UGGT2: variants seen among roughly 807,000 people sequenced by gnomAD.
The protein encoded by UGGT2 is UDP-glucose:glycoprotein glucosyltransferase 2.
A neutral mutation model predicts 192.1 loss-of-function variants in UGGT2; 180 were observed. The observed-to-expected ratio is 0.94, with a 90% CI of 0.83 to 1.06. The LOEUF (loss-of-function observed/expected upper bound fraction) is 1.06. Ranked by LOEUF, UGGT2 falls within the 50% of genes least tolerant of loss-of-function variation. The probability of loss-of-function intolerance (pLI) is 0.00; values close to 1 mark genes in which losing one functional copy is unlikely to be tolerated. For synonymous variants in UGGT2, 580 were observed against 591.0 expected, an observed-to-expected ratio of 0.98 and a Z score of 0.27; for missense variants, 1,849 against 1,795.7, an observed-to-expected ratio of 1.03 and a Z score of -0.54.
intron 20 of UGGT2, among the ~76,000 whole-genome samples, chr13:95,914,781 C>T (rs770909647): frequency 1.2e-4 from 18 of 151,152 alleles, no homozygotes; most frequent in South Asian, 8.4e-4. Context: ...CCAGCCTGGG[C>T]GACTGAGTGA....
At chr13:95,981,092 C>T (rs979964960) in intron 10 of UGGT2, among the ~76,000 whole-genome samples, 4 of 152,098 alleles carry the variant, frequency 2.6e-5, no homozygotes, top group African/African-American at 7.2e-5. Context: ...CTCCTCTACT[C>T]GAAGGTCATA....
rs1490409978 is a variant in UGGT2, at chr13:95,900,837, A to G, written c.2604T>C (p.Pro868=). Residue 868 remains proline, a synonymous_variant, in exon 22 of 39, where the codon CCT becomes CCC. Transcript: ENST00000376747. ...CATTGCTGACAATACCCATTTCTCC[A>G]GGACGTAATTTAAGTACATCTTGAC... ...LFCQDVLKLR[P]GEMGIVSNGR... is the part of the protein sequence containing the mutation. 2 of 1,611,532 alleles carry G rather than the reference A, an allele frequency of 1.2e-6. No individual in the cohort carries two copies. Among genetic ancestry groups the G allele is most frequent in the Admixed American group, 3.4e-5 (2 of 59,456 alleles).
intron 1 of UGGT2, among the ~76,000 whole-genome samples, chr13:96,042,904 GAAAGA>G (rs1465287451): frequency 6.6e-6 from 1 of 152,048 alleles, no homozygotes; most frequent in African/African-American, 2.4e-5. Flanking sequence ...GTATTCCTGA[GAAAGA>G]AGAGAAATCT....
Position 95,927,292 on chromosome 13 carries a change from A to C in UGGT2, c.2022T>G (p.Asp674Glu), listed in dbSNP as rs748027111. ...TTATACGGGGTACAACATTATTCCTATCCATTAGAAAATCAATTGCATTCG... is the reference window on the plus strand; with the variant it reads ...TTATACGGGGTACAACATTATTCCTCTCCATTAGAAAATCAATTGCATTCG... Reference protein sequence around the residue: ...DRTNAIDFLMDRNNVVPRINT... With the variant: ...DRTNAIDFLMERNNVVPRINT... The change falls in exon 18 of 39, where the codon GAT (aspartate) becomes GAG (glutamate). Residue 674 changes from aspartate to glutamate, a missense_variant. By Grantham distance (45) the Asp-to-Glu change is conservative (BLOSUM62 2). Coordinates refer to ENST00000376747, the MANE Select transcript of UGGT2 (RefSeq NM_020121.4). 6.2e-7 allele frequency: 1 copy of C among 1,609,556 alleles called. No homozygotes were observed. The highest frequency in any genetic ancestry group is 1.3e-5 in the African/African-American group (1 of 74,780).
intron 25 of UGGT2, among the ~76,000 whole-genome samples, chr13:95,890,275 C>T (rs1372857668): frequency 1.3e-5 from 2 of 152,132 alleles, no homozygotes. Context: ...CTGTATTAGT[C>T]TTCTCAGGCT....
intron 7 of UGGT2, among the ~76,000 whole-genome samples, chr13:95,991,679 T>A (rs1356879821): frequency 2.0e-5 from 3 of 152,182 alleles, no homozygotes; most frequent in Non-Finnish European, 4.4e-5. Context: ...TAAGCAAACA[T>A]TTCCTTTTTC....
chr13:95,818,482 A>T (rs1885149765), intron 38 of UGGT2, among the ~76,000 whole-genome samples: 1 of 152,214 alleles, frequency 6.6e-6, no homozygotes, highest in African/African-American at 2.4e-5. Context: ...GAAAACCTGC[A>T]AACTCAAAAT....
intron 27 of UGGT2, among the ~76,000 whole-genome samples, chr13:95,881,678 T>C (rs1487777478): frequency 2.6e-5 from 4 of 152,210 alleles, no homozygotes; most frequent in African/African-American, 9.6e-5. Context: ...CAGAGCCACA[T>C]CCTATTCCTG....
At chr13:95,948,252 C>CAT (rs1491547191) in intron 13 of UGGT2, among the ~76,000 whole-genome samples, 171 bp from the exon 14 acceptor site, 3 of 148,380 alleles carry the variant, frequency 2.0e-5, no homozygotes, top group Admixed American at 1.3e-4. Context: ...CACACACACA[C>CAT]ATATAAAGGA....
chr13:95,820,609 A>T (rs1885410471), intron 38 of UGGT2, among the ~76,000 whole-genome samples: 2 of 152,080 alleles, frequency 1.3e-5, no homozygotes, highest in Admixed American at 1.3e-4. Flanking sequence ...CTTTTTTAAA[A>T]TTTTTATTTC....
intron 27 of UGGT2, among the ~76,000 whole-genome samples, chr13:95,883,764 A>C (rs2047560674): frequency 6.6e-6 from 1 of 152,174 alleles, no homozygotes; most frequent in Non-Finnish European, 1.5e-5. Context: ...TCTTTATAGC[A>C]GTGTGAAAAC....
chr13:95,869,055 G>T (rs781120038), intron 29 of UGGT2, among the ~76,000 whole-genome samples: 17 of 137,554 alleles, frequency 1.2e-4, no homozygotes, highest in Non-Finnish European at 2.2e-4. Context: ...CCCACAACAG[G>T]CCCCAGTGTG....
chr13:95,844,954 G>A (rs1001887335), intron 36 of UGGT2, among the ~76,000 whole-genome samples: 3 of 152,134 alleles, frequency 2.0e-5, no homozygotes, highest in Admixed American at 2.0e-4. Context: ...TCAGGATGAG[G>A]AAGTTCCCTT....
intron 5 of UGGT2, among the ~76,000 whole-genome samples, chr13:95,999,661 T>A (rs1044808344): frequency 5.3e-5 from 8 of 152,186 alleles, no homozygotes; most frequent in Non-Finnish European, 8.8e-5. Context: ...TTTTCCTTTT[T>A]GGGGACCCCC....
At chr13:96,023,196 A>G in intron 3 of UGGT2, 44 bp from the exon 4 acceptor site, 1 of 1,480,320 alleles carries the variant, frequency 6.8e-7, no homozygotes, top group Non-Finnish European at 9.1e-7. Flanking sequence ...GTTGATAATT[A>G]CAATATGATT....
At chr13:96,038,926 T>A (rs573995322) in intron 1 of UGGT2, among the ~76,000 whole-genome samples, 1 of 152,160 alleles carries the variant, frequency 6.6e-6, no homozygotes, top group Non-Finnish European at 1.5e-5. Context: ...GTATGATCCA[T>A]CCTGGGGTAA....
chr13:95,845,378 T>TCTTA, intron 36 of UGGT2, among the ~76,000 whole-genome samples: 1 of 26,714 alleles, frequency 3.7e-5, no homozygotes, highest in African/African-American at 7.8e-5. Context: ...TGGTGATGAC[T>TCTTA]GGTATGCTGC....
intron 13 of UGGT2, among the ~76,000 whole-genome samples, chr13:95,949,117 G>A (rs540085546): frequency 6.6e-6 from 1 of 152,238 alleles, no homozygotes; most frequent in East Asian, 1.9e-4. Context: ...AAATTACCCA[G>A]TCTCAGGTAT....
At chr13:95,984,934 C>T (rs1366945607) in intron 9 of UGGT2, 1 of 152,652 alleles carries the variant, frequency 6.6e-6, no homozygotes, top group African/African-American at 2.4e-5. Flanking sequence ...ATTTATTTAG[C>T]AAATATTTCA....
Sources: gnomAD v4.1 joint callset for allele counts (sites outside exome capture counted in the v4.1 genomes callset) on GRCh38, gnomAD v4.1.1 for gene constraint, MANE v1.5 for transcripts, NCBI Gene and HGNC (gene_info 2026-07-23, HGNC 2026-07-21) for gene names.